XXYLT1: variants seen among roughly 807,000 people sequenced by gnomAD.
XXYLT1 encodes UDP-xylose:alpha-xyloside alpha-1,3-xylosyltransferase.
Under a neutral mutation model 28.9 loss-of-function variants are expected in XXYLT1, and 20 were observed. The observed-to-expected ratio is 0.69, with a 90% CI of 0.49 to 1.00. The LOEUF is 1.00. XXYLT1 is among the 50% of genes least tolerant of loss of function. XXYLT1 has a pLI of 0.00. For synonymous variants in XXYLT1, 257 were observed against 253.8 expected (o/e 1.01, Z -0.12); for missense variants, 542 against 560.1 (o/e 0.97, Z 0.33).
chr3:195,127,317 G>C (rs964657624), intron 3 of XXYLT1, among the ~76,000 whole-genome samples: 5 of 152,154 alleles, frequency 3.3e-5, no homozygotes, highest in African/African-American at 1.2e-4. Context: ...TGTTACTCCT[G>C]GGTGTCTTTG....
chr3:195,180,776 G>C lies in XXYLT1; in HGVS notation c.653-24195C>G, dbSNP rs147402357. On this transcript the variant is annotated intron_variant, in intron 2 of 3. Transcript: ENST00000310380. The surrounding 1 kb of genome is among the most constrained non-coding windows in gnomAD (Gnocchi z 5.8). ...CACCTGCTCGCCAGGAGCAAGGGCAGCGCCGGCCCTCCTCGGGAGAAGCTC... is the reference window on the plus strand; with the variant it reads ...CACCTGCTCGCCAGGAGCAAGGGCACCGCCGGCCCTCCTCGGGAGAAGCTC... 2.7e-3 allele frequency among the ~76,000 whole-genome samples: 413 copies of C among 152,346 alleles called. 1 individual carries two copies. Among genetic ancestry groups the C allele is most frequent in the African/African-American group, 9.6e-3 (399 of 41,584 alleles).
In XXYLT1 at chr3:195,078,048, T is replaced by C. The variant is rs1576998631; in HGVS notation, c.786-7937A>G. The stretch of plus-strand genomic sequence containing the variant: ...GACAGAGATGAGGGGGAAGAGGCAG[T>C]GGAGGGGCTTTAAGCCTGGATCCCT... On this transcript the variant is annotated intron_variant, in intron 3 of 3. Transcript: ENST00000310380. The surrounding 1 kb of genome is among the most constrained non-coding windows in gnomAD (Gnocchi z 5.0). Among the ~76,000 whole-genome samples, 1 of 151,978 alleles carries C rather than the reference T, an allele frequency of 6.6e-6. No homozygotes were observed. Among genetic ancestry groups the C allele is most frequent in the South Asian group, 2.1e-4 (1 of 4,816 alleles).
intron 1 of XXYLT1, among the ~76,000 whole-genome samples, chr3:195,237,529 T>C (rs1724603556): frequency 6.6e-6 from 1 of 151,906 alleles, no homozygotes; most frequent in African/African-American, 2.4e-5. Flanking sequence ...GCTCACCTGA[T>C]TTTTAGTGCC....
chr3:195,240,234 T>C lies in XXYLT1; in HGVS notation c.505-13378A>G, dbSNP rs935420605. 6.6e-6 allele frequency among the ~76,000 whole-genome samples: 1 copy of C among 151,684 alleles called. No homozygotes were observed. The highest frequency in any genetic ancestry group is 1.5e-5 in the Non-Finnish European group (1 of 67,906). On this transcript the variant is annotated intron_variant, in intron 1 of 3. Transcript: ENST00000310380. The surrounding 1 kb of genome is among the most constrained non-coding windows in gnomAD (Gnocchi z 4.7). ...CAGTGTAGGGAGGAGGGGAAAGAGG[T>C]GAAGCTTGCCTCATATTCTACCATG...
intron 2 of XXYLT1, among the ~76,000 whole-genome samples, chr3:195,192,447 A>G (rs533714443): frequency 1.3e-5 from 2 of 152,050 alleles, no homozygotes; most frequent in African/African-American, 4.8e-5. Flanking sequence ...AAAATTAAAC[A>G]ATTTATCAAT....
At chr3:195,183,091 T>A (rs1722029380) in intron 2 of XXYLT1, among the ~76,000 whole-genome samples, 1 of 152,182 alleles carries the variant, frequency 6.6e-6, no homozygotes, top group African/African-American at 2.4e-5. Flanking sequence ...GATGAGCTCA[T>A]ATAATGAGAA....
At chr3:195,160,844 G>A (rs1156806856) in intron 2 of XXYLT1, among the ~76,000 whole-genome samples, 2 of 152,244 alleles carry the variant, frequency 1.3e-5, no homozygotes, top group African/African-American at 4.8e-5. Flanking sequence ...GGGGATGTGC[G>A]GTTGGAATTG....
chr3:195,107,652 A>G (rs1717221414), intron 3 of XXYLT1, among the ~76,000 whole-genome samples: 1 of 16,970 alleles, frequency 5.9e-5, no homozygotes, highest in African/African-American at 2.6e-4. Flanking sequence ...GAGGAGGAGG[A>G]GGAGGGGGAG....
At chr3:195,139,575 G>C (rs1311105660) in intron 3 of XXYLT1, among the ~76,000 whole-genome samples, 2 of 152,196 alleles carry the variant, frequency 1.3e-5, no homozygotes, top group Non-Finnish European at 2.9e-5. Context: ...TCTTGAGGGT[G>C]GGGTCTGTGG....
chr3:195,080,029 G>C (rs932431795), intron 3 of XXYLT1, among the ~76,000 whole-genome samples: 9 of 152,274 alleles, frequency 5.9e-5, no homozygotes, highest in Admixed American at 2.6e-4. Flanking sequence ...AGGCATAAGA[G>C]ATTCTAAAGC....
intron 3 of XXYLT1, among the ~76,000 whole-genome samples, chr3:195,071,673 G>C (rs999728877): frequency 1.3e-5 from 2 of 148,418 alleles, no homozygotes; most frequent in Non-Finnish European, 3.0e-5. Flanking sequence ...CGGTGATAGG[G>C]TCACACAGGG....
intron 2 of XXYLT1, among the ~76,000 whole-genome samples, chr3:195,215,898 C>T (rs1201520028): frequency 6.6e-6 from 1 of 152,150 alleles, no homozygotes; most frequent in Non-Finnish European, 1.5e-5. Context: ...CACATCTATT[C>T]CAAACTTGAC....
At chr3:195,107,877 C>T (rs1577034673) in intron 3 of XXYLT1, among the ~76,000 whole-genome samples, 5 of 151,264 alleles carry the variant, frequency 3.3e-5, no homozygotes, top group African/African-American at 7.4e-5. Flanking sequence ...AGGCATCACC[C>T]GCCCAGGCCT....
chr3:195,250,880 T>A (rs1300797425), intron 1 of XXYLT1, among the ~76,000 whole-genome samples: 1 of 148,202 alleles, frequency 6.7e-6, no homozygotes, highest in Non-Finnish European at 1.5e-5. Flanking sequence ...TGGCACATAG[T>A]AGATGCCCAG....
chr3:195,172,236 G>C (rs944773695), intron 2 of XXYLT1, among the ~76,000 whole-genome samples: 1 of 152,200 alleles, frequency 6.6e-6, no homozygotes, highest in African/African-American at 2.4e-5. Context: ...ACCTGGAACT[G>C]CACCAAGGTT....
intron 2 of XXYLT1, among the ~76,000 whole-genome samples, chr3:195,197,532 T>C (rs1311389595): frequency 6.6e-6 from 1 of 152,124 alleles, no homozygotes; most frequent in Non-Finnish European, 1.5e-5. Flanking sequence ...AGTGAAATGT[T>C]ATTCTGATAA....
intron 3 of XXYLT1, among the ~76,000 whole-genome samples, chr3:195,126,921 T>A (rs950257): frequency 0.38 from 58,159 of 152,040 alleles, 12,910 homozygotes; most frequent in East Asian, 0.83. Context: ...AAACAGAGGG[T>A]CCGAAAGACT....
chr3:195,246,051 C>CCA (rs901099007), intron 1 of XXYLT1, among the ~76,000 whole-genome samples: 1 of 152,296 alleles, frequency 6.6e-6, no homozygotes, highest in African/African-American at 2.4e-5. Flanking sequence ...GACAACACAA[C>CCA]CACACACACA....
chr3:195,180,541 A>T lies in XXYLT1; in HGVS notation c.653-23960T>A. On this transcript the variant is annotated intron_variant, in intron 2 of 3. Coordinates refer to ENST00000310380, the MANE Select transcript of XXYLT1 (RefSeq NM_152531.5). The surrounding 1 kb of genome is among the most constrained non-coding windows in gnomAD (Gnocchi z 5.8). ...CTTGAAAAGAAGCAAACAAACAGAT[A>T]AGGGTCAGCATCTGAGGCCAGACCC... The T allele has an allele frequency of 1.0e-6, 1 of 985,492 alleles. No homozygotes were observed. Among genetic ancestry groups the T allele is most frequent in the Non-Finnish European group, 1.2e-6 (1 of 829,952 alleles). 61.0% of individuals were successfully genotyped at this position (985,492 alleles called of 1,614,324 possible).
Sources: gnomAD v4.1 joint callset for allele counts (sites outside exome capture counted in the v4.1 genomes callset) on GRCh38, gnomAD v4.1.1 for gene constraint, Gnocchi (gnomAD v3.1) non-coding constraint, MANE v1.5 for transcripts, NCBI Gene and HGNC (gene_info 2026-07-23, HGNC 2026-07-21) for gene names.